ACOT11: variants seen among roughly 807,000 people sequenced by gnomAD.
The protein encoded by ACOT11 is acyl-CoA thioesterase 11.
Under a neutral mutation model 77.5 loss-of-function variants are expected in ACOT11, and 69 were observed. The ratio of observed to expected loss-of-function variants is 0.89; its 90% CI spans 0.73 to 1.09. The LOEUF is 1.09. Ranked by LOEUF, ACOT11 falls within the 50% of genes least tolerant of loss-of-function variation. ACOT11 has a pLI of 0.00. For synonymous variants in ACOT11, 279 were observed against 313.0 expected, an observed-to-expected ratio of 0.89 and a Z score of 1.15; for missense variants, 766 against 813.7, an observed-to-expected ratio of 0.94 and a Z score of 0.71.
intron 1 of ACOT11, among the ~76,000 whole-genome samples, chr1:54,553,445 G>A (rs1653141838): frequency 6.6e-6 from 1 of 151,132 alleles, no homozygotes; most frequent in African/African-American, 2.4e-5. Context: ...TCCAGCCTGG[G>A]TGACCGAACA....
chr1:54,563,075 G>T (rs2100950490), intron 1 of ACOT11, among the ~76,000 whole-genome samples: 1 of 151,662 alleles, frequency 6.6e-6, no homozygotes, highest in East Asian at 1.9e-4. Flanking sequence ...TTGCCCTCGG[G>T]CCCTGCGGGG....
At chr1:54,612,601 C>G (rs760842076), downstream of ACOT11, 2 of 1,611,320 alleles carry the variant, frequency 1.2e-6, no homozygotes, top group Non-Finnish European at 1.7e-6. Flanking sequence ...TGCATCTTCT[C>G]CACCATGGCT....
downstream of ACOT11, chr1:54,614,776 G>A (rs769180206): frequency 2.5e-6 from 4 of 1,614,132 alleles, no homozygotes; most frequent in Non-Finnish European, 1.7e-6. Context: ...ATGGGCCGCC[G>A]GACTTTGCCT....
At chr1:54,620,120 G>T in intron 15 of ACOT11, 2 of 1,134,938 alleles carry the variant, frequency 1.8e-6, no homozygotes, top group Non-Finnish European at 2.5e-6. Flanking sequence ...ACCCCATCTG[G>T]CAGAGGGACG....
At chr1:54,623,476 G>T in intron 15 of ACOT11, 1 of 1,036,146 alleles carries the variant, frequency 9.7e-7, no homozygotes, top group Non-Finnish European at 1.5e-6. Context: ...TCCTGTGGGA[G>T]GCAGGAGCTC....
At chr1:54,548,497 CT>C in intron 1 of ACOT11, 155 bp downstream of exon 1, 2 of 987,700 alleles carry the variant, frequency 2.0e-6, no homozygotes, top group Non-Finnish European at 3.0e-6. Flanking sequence ...CGCAGAACCC[CT>C]GGGCTGGTTT....
Position 54,626,979 on chromosome 1 carries a change from T to C in ACOT11, c.1630-3755T>C, listed in dbSNP as rs986326813. ...TTCAAGTGATTTTCCTGCCTCAGTCTCCAAGTAGCTGGGATTACAGGTGCG... is the reference window on the plus strand; with the variant it reads ...TTCAAGTGATTTTCCTGCCTCAGTCCCCAAGTAGCTGGGATTACAGGTGCG... On this transcript the variant is annotated intron_variant, in intron 15 of 16. Transcript: ENST00000371316. Among the ~76,000 whole-genome samples, 5 of 134,172 alleles carry C rather than the reference T, an allele frequency of 3.7e-5. 1 individual carries two copies. The highest frequency in any genetic ancestry group is 6.7e-5 in the Non-Finnish European group (4 of 59,282). 88.0% of individuals were successfully genotyped at this position (134,172 alleles called of 152,430 possible). A position where few individuals can be genotyped will look rare whatever the true frequency, so the allele number is the denominator to read the frequency against.
chr1:54,585,952 G>T, intron 3 of ACOT11, 48 bp downstream of exon 3: 1 of 1,591,242 alleles, frequency 6.3e-7, no homozygotes, highest in Non-Finnish European at 8.6e-7. Context: ...CCTCCCATCA[G>T]CCTGGGGCCT....
At position 54,605,120 on chromosome 1, in the gene ACOT11, C is replaced by A; in HGVS notation, c.1281C>A (p.His427Gln). 6.2e-7 allele frequency: 1 copy of A among 1,614,044 alleles called. No homozygotes were observed. The highest frequency in any genetic ancestry group is 8.5e-7 in the Non-Finnish European group (1 of 1,180,034). Residue 427 changes from histidine to glutamine, a missense_variant, in exon 13 of 16, where the codon CAC becomes CAA. Transcript: ENST00000343744. ...TLEDDKFLSF[H>Q]MEMVVHVDAA... Reference sequence around the variant, plus strand: ...AGGATGACAAGTTCCTCTCCTTCCACATGGAGATGGTGGTGCATGTGGATG... The same window carrying A: ...AGGATGACAAGTTCCTCTCCTTCCAAATGGAGATGGTGGTGCATGTGGATG...
intron 3 of ACOT11, among the ~76,000 whole-genome samples, chr1:54,586,665 C>T (rs1182372705): frequency 1.3e-5 from 2 of 152,156 alleles, no homozygotes; most frequent in Non-Finnish European, 2.9e-5. Context: ...ATCTCCTGAT[C>T]TTAGGTGATC....
chr1:54,610,034 G>T lies in ACOT11; in HGVS notation c.*922G>T. 6.8e-7 allele frequency: 1 copy of T among 1,473,602 alleles called. No homozygotes were observed. The highest frequency in any genetic ancestry group is 9.0e-7 in the Non-Finnish European group (1 of 1,116,430). 91.3% of individuals were successfully genotyped at this position (1,473,602 alleles called of 1,614,324 possible). A position where few individuals can be genotyped will look rare whatever the true frequency, so the allele number is the denominator to read the frequency against. On this transcript the variant is annotated 3_prime_UTR_variant, in exon 16 of 16. Coordinates refer to ENST00000343744, the MANE Select transcript of ACOT11 (RefSeq NM_147161.4). ...TTAAAGGGGCAGTGGGAGTTATGGG[G>T]TCATCAAGGACCTTGCCTCTCTGGA...
At chr1:54,634,586 C>T (rs1644320292) in intron 16 of ACOT11, 5 of 675,894 alleles carry the variant, frequency 7.4e-6, no homozygotes. Context: ...AGCCCATACA[C>T]AATTGAATCT....
intron 3 of ACOT11, among the ~76,000 whole-genome samples, chr1:54,592,244 G>C (rs1410757813): frequency 2.0e-5 from 3 of 152,190 alleles, no homozygotes; most frequent in African/African-American, 4.8e-5. Flanking sequence ...GGGGACCATT[G>C]AGCCGAGAGC....
At chr1:54,622,913 A>T (rs186696876) in intron 15 of ACOT11, among the ~76,000 whole-genome samples, 2 of 151,542 alleles carry the variant, frequency 1.3e-5, no homozygotes, top group East Asian at 3.9e-4. Context: ...GATGACTCAC[A>T]CCTGTAATCC....
chr1:54,584,857 T>C lies in ACOT11; in HGVS notation c.236T>C (p.Leu79Pro). ...AAGTGGATTGACACCACGGCTTGCC[T>C]GTCCGGTAAGGCTGCGCTCCCCATG... ...LLKWIDTTAC[L>P]SAERHAGCPC... The change falls in exon 2 of 16, where the codon CTG becomes CCG. Residue 79 changes from leucine (L) to proline (P), a missense_variant. By Grantham distance (98) the Leu-to-Pro change is moderately conservative. Coordinates refer to ENST00000343744, the MANE Select transcript of ACOT11 (RefSeq NM_147161.4). The surrounding 1 kb of genome is among the most constrained non-coding windows in gnomAD (Gnocchi z 6.3). The C allele has an allele frequency of 6.2e-7, 1 of 1,612,662 alleles. No individual in the cohort carries two copies. Among genetic ancestry groups the C allele is most frequent in the African/African-American group, 1.3e-5 (1 of 75,016 alleles).
intron 15 of ACOT11, among the ~76,000 whole-genome samples, chr1:54,622,834 AAG>A (rs1323083106): frequency 4.5e-5 from 2 of 44,186 alleles, no homozygotes; most frequent in African/African-American, 1.0e-4. Context: ...GGAAGAGAGA[AAG>A]AGCTGTGGAT....
chr1:54,548,358 TG>T lies in ACOT11; in HGVS notation c.33+20del. The T allele has an allele frequency of 1.3e-6, 2 of 1,599,672 alleles. No individual in the cohort carries two copies. The highest frequency in any genetic ancestry group is 2.3e-5 in the East Asian group (1 of 44,372). ...CCTGCGACGGGTATGGAGGGTGGGCTGGGGCAGCGGGAGGGCTCTGGAAGCT... is the reference window on the plus strand; with the variant it reads ...CCTGCGACGGGTATGGAGGGTGGGCTGGGCAGCGGGAGGGCTCTGGAAGCT... On this transcript the variant is annotated intron_variant, in intron 1 of 15. Transcript: ENST00000343744.
intron 15 of ACOT11, chr1:54,623,438 G>C (rs756412473): frequency 6.8e-7 from 1 of 1,460,916 alleles, no homozygotes; most frequent in South Asian, 1.2e-5. Context: ...GTGCGGCCCA[G>C]AGTCCCTGAG....
chr1:54,604,643 C>A (rs548810628), intron 12 of ACOT11, among the ~76,000 whole-genome samples: 39 of 152,314 alleles, frequency 2.6e-4, no homozygotes, highest in Admixed American at 8.5e-4. Flanking sequence ...GCCTGCCCCC[C>A]TTCCTGTTCT....
Sources: gnomAD v4.1 joint callset for allele counts (sites outside exome capture counted in the v4.1 genomes callset) on GRCh38, gnomAD v4.1.1 for gene constraint, Gnocchi (gnomAD v3.1) non-coding constraint, MANE v1.5 for transcripts, NCBI Gene and HGNC (gene_info 2026-07-23, HGNC 2026-07-21) for gene names.